Variants in MDM1 observed in about 807,000 individuals in gnomAD.
The protein encoded by MDM1 is stabilizer of axonemal microtubules 6, also known as Mdm1 nuclear protein.
Under a neutral mutation model 89.1 loss-of-function variants are expected in MDM1, and 61 were observed. That is an observed-to-expected ratio of 0.68 (90% confidence interval 0.56 to 0.85). The LOEUF (loss-of-function observed/expected upper bound fraction) is 0.85. Among genes scored for constraint, MDM1 ranks in the 40% least tolerant of loss-of-function variants. The pLI is 0.00. For missense variants in MDM1, 820 were observed against 846.5 expected, an observed-to-expected ratio of 0.97 and a Z score of 0.39; for synonymous variants, 290 against 294.1, an observed-to-expected ratio of 0.99 and a Z score of 0.14.
rs868868111 is a variant in MDM1, at chr12:68,305,965, G to A, written c.1750-3093C>T. Among the ~76,000 whole-genome samples, 1,003 of 135,066 alleles carry A rather than the reference G, an allele frequency of 7.4e-3. 16 individuals are homozygous for A. Among genetic ancestry groups the A allele is most frequent in the African/African-American group, 0.025 (904 of 36,472 alleles). The allele number at this position is 135,066 out of a possible 152,430, so 88.6% of individuals were successfully genotyped here. On this transcript the variant is annotated intron_variant, in intron 12 of 14. Transcript: ENST00000682720. ...AGCAATCCTAAGCAAAAAAAAAAAG[G>A]AAAAAAAAAAGAACAAAGCTGGAGG...
At chr12:68,305,965 G>GAA (rs919831808) in intron 12 of MDM1, among the ~76,000 whole-genome samples, 22 of 135,162 alleles carry the variant, frequency 1.6e-4, no homozygotes, top group African/African-American at 4.4e-4. Flanking sequence ...AAAAAAAAAG[G>GAA]AAAAAAAAAA....
At chr12:68,330,297 A>G (rs1206123231) in intron 2 of MDM1, among the ~76,000 whole-genome samples, 3 of 152,330 alleles carry the variant, frequency 2.0e-5, no homozygotes, top group East Asian at 3.9e-4. Context: ...CTCTCGGCCA[A>G]TAACGAGATG....
chr12:68,319,230 T>C (rs918076387), intron 7 of MDM1, among the ~76,000 whole-genome samples: 2 of 152,200 alleles, frequency 1.3e-5, no homozygotes, highest in African/African-American at 2.4e-5. Flanking sequence ...GTTATTATAA[T>C]GGAGATGACA....
At chr12:68,320,297 T>C (rs981010597) in intron 7 of MDM1, among the ~76,000 whole-genome samples, 2 of 152,234 alleles carry the variant, frequency 1.3e-5, no homozygotes, top group African/African-American at 4.8e-5. Flanking sequence ...AAGGTGAATA[T>C]ATGAACATTG....
chr12:68,313,182 A>G (rs1483411595), intron 12 of MDM1, among the ~76,000 whole-genome samples: 1 of 152,230 alleles, frequency 6.6e-6, no homozygotes, highest in Non-Finnish European at 1.5e-5. Context: ...ACTGTCACAC[A>G]GCAGATGCTC....
At chr12:68,320,386 GA>G (rs1399025969) in intron 7 of MDM1, among the ~76,000 whole-genome samples, 1 of 148,246 alleles carries the variant, frequency 6.7e-6, no homozygotes, top group African/African-American at 2.4e-5. Flanking sequence ...CTCAAATAGA[GA>G]AGTAGAAAGA....
chr12:68,303,360 G>C (rs1272913858), intron 12 of MDM1, among the ~76,000 whole-genome samples: 1 of 152,102 alleles, frequency 6.6e-6, no homozygotes, highest in African/African-American at 2.4e-5. Context: ...AATGATACCA[G>C]AGCTGGCAAG....
chr12:68,325,821 G>T, intron 3 of MDM1: 3 of 1,092,274 alleles, frequency 2.7e-6, no homozygotes, highest in South Asian at 3.8e-5. Flanking sequence ...AGGCATCCCA[G>T]GAAAAATATA....
At chr12:68,308,825 G>C (rs1873289923) in intron 12 of MDM1, among the ~76,000 whole-genome samples, 1 of 152,162 alleles carries the variant, frequency 6.6e-6, no homozygotes, top group Admixed American at 6.5e-5. Context: ...CTCAGTGCAT[G>C]GTACCTCCAT....
chr12:68,319,447 T>C (rs1448327222), intron 7 of MDM1, among the ~76,000 whole-genome samples: 1 of 152,190 alleles, frequency 6.6e-6, no homozygotes, highest in African/African-American at 2.4e-5. Flanking sequence ...AAGTCACTTA[T>C]GTCTGAGTGC....
intron 10 of MDM1, 101 bp from the exon 11 acceptor site, chr12:68,313,854 G>T: frequency 9.5e-7 from 1 of 1,057,642 alleles, no homozygotes; most frequent in Non-Finnish European, 1.4e-6. Flanking sequence ...TATAAAACTT[G>T]TAAGAGGCCA....
At chr12:68,316,399 G>C in intron 8 of MDM1, 146 bp from the exon 9 acceptor site, 1 of 978,692 alleles carries the variant, frequency 1.0e-6, no homozygotes, top group Non-Finnish European at 1.5e-6. Context: ...TCATCAGACT[G>C]TGCATTTAAG....
At chr12:68,321,481 A>G in intron 6 of MDM1, 35 bp from the exon 7 acceptor site, 1 of 1,606,558 alleles carries the variant, frequency 6.2e-7, no homozygotes. Flanking sequence ...ATATTTCACC[A>G]TGTTAATCAT....
At chr12:68,312,249 C>T (rs1050939931) in intron 12 of MDM1, among the ~76,000 whole-genome samples, 1 of 152,138 alleles carries the variant, frequency 6.6e-6, no homozygotes, top group African/African-American at 2.4e-5. Flanking sequence ...ATAGTCAGTT[C>T]CCTATTCAAC....
chr12:68,315,017 T>C lies in MDM1; in HGVS notation c.1460A>G (p.Gln487Arg). ...EEEGDRKTGK[Q>R]AFMGEQEKLD... Reference sequence around the variant, plus strand: ...CTTCTCTTGCTCTCCCATAAAAGCCTGCTTGCCCGTTTTCCTGTCCCCTTC... The same window carrying C: ...CTTCTCTTGCTCTCCCATAAAAGCCCGCTTGCCCGTTTTCCTGTCCCCTTC... Residue 487 changes from glutamine to arginine, a missense_variant, in exon 10 of 15, where the codon CAG becomes CGG. By Grantham distance (43) the Gln-to-Arg change is conservative. Coordinates refer to ENST00000682720, the MANE Select transcript of MDM1 (RefSeq NM_001354969.2). The C allele has an allele frequency of 6.2e-7, 1 of 1,614,182 alleles. No individual in the cohort carries two copies.
intron 5 of MDM1, among the ~76,000 whole-genome samples, chr12:68,322,295 G>A (rs1003234135): frequency 6.6e-6 from 1 of 152,158 alleles, no homozygotes; most frequent in Non-Finnish European, 1.5e-5. Context: ...TAAATCATGT[G>A]AATTATACTG....
chr12:68,324,448 T>C (rs1477806785), intron 4 of MDM1, among the ~76,000 whole-genome samples: 1 of 152,152 alleles, frequency 6.6e-6, no homozygotes, highest in African/African-American at 2.4e-5. Context: ...ATTCTTAAAA[T>C]GTTATATAAA....
chr12:68,299,630 A>G (rs1282014006), intron 13 of MDM1, among the ~76,000 whole-genome samples: 3 of 152,224 alleles, frequency 2.0e-5, no homozygotes, highest in Admixed American at 1.3e-4. Context: ...CAATCAAACA[A>G]AAATAAAGAA....
At chr12:68,308,664 T>C (rs545763556) in intron 12 of MDM1, among the ~76,000 whole-genome samples, 2 of 152,332 alleles carry the variant, frequency 1.3e-5, no homozygotes, top group South Asian at 4.1e-4. Context: ...AAATGTAAGC[T>C]TCATGAAGGC....
Sources: allele counts gnomAD v4.1 joint callset (sites outside exome capture counted in the v4.1 genomes callset), GRCh38; gene constraint gnomAD v4.1.1; transcripts MANE v1.5; gene names NCBI Gene and HGNC (gene_info 2026-07-23, HGNC 2026-07-21).